Variants in BLTP3A observed in about 807,000 individuals in gnomAD.
The protein encoded by BLTP3A is ICBP90 binding protein 1.
At chr6:34,863,759 G>A in the BLTP3A span, among the ~76,000 whole-genome samples, 2 of 152,170 alleles carry the variant, frequency 1.3e-5, no homozygotes, top group African/African-American at 4.8e-5. Flanking sequence ...GACATTTAAT[G>A]TTGATATGAG....
chr6:34,865,438 A>G, the BLTP3A span, among the ~76,000 whole-genome samples: 2 of 152,136 alleles, frequency 1.3e-5, no homozygotes, highest in Non-Finnish European at 2.9e-5. Context: ...TTATCTGTTC[A>G]TTGGTTGATG....
At chr6:34,792,954 T>A in the BLTP3A span, among the ~76,000 whole-genome samples, 1 of 152,206 alleles carries the variant, frequency 6.6e-6, no homozygotes, top group South Asian at 2.1e-4. Flanking sequence ...CCTCTGGACT[T>A]CTTTTTCCCT....
the BLTP3A span, among the ~76,000 whole-genome samples, chr6:34,860,323 G>A: frequency 2.0e-5 from 3 of 152,180 alleles, no homozygotes; most frequent in African/African-American, 4.8e-5. Flanking sequence ...GAGTGGAAAA[G>A]TATCGATTTT....
the BLTP3A span, among the ~76,000 whole-genome samples, chr6:34,820,759 C>T: frequency 2.0e-5 from 3 of 149,418 alleles, no homozygotes; most frequent in Non-Finnish European, 4.4e-5. Context: ...CTCACTGCAG[C>T]CTCAACCTCA....
the BLTP3A span, among the ~76,000 whole-genome samples, chr6:34,797,208 A>G: frequency 6.6e-6 from 1 of 152,208 alleles, no homozygotes; most frequent in Non-Finnish European, 1.5e-5. Flanking sequence ...TAGCTCTTTT[A>G]AAACCCATCA....
the BLTP3A span, among the ~76,000 whole-genome samples, chr6:34,820,011 C>T: frequency 4.6e-5 from 7 of 152,188 alleles, no homozygotes; most frequent in African/African-American, 1.7e-4. Context: ...GGGAAGACTA[C>T]AGGTGACTGG....
chr6:34,795,397 G>T, the BLTP3A span, among the ~76,000 whole-genome samples: 14 of 149,390 alleles, frequency 9.4e-5, no homozygotes, highest in Non-Finnish European at 1.5e-4. Flanking sequence ...AGTTTTTTTT[G>T]TTTTTTGTTT....
At chr6:34,856,096 T>C in the BLTP3A span, 4 of 1,227,890 alleles carry the variant, frequency 3.3e-6, no homozygotes, top group South Asian at 6.1e-5. Flanking sequence ...AACCTATCAT[T>C]GGATAATTTT....
the BLTP3A span, among the ~76,000 whole-genome samples, chr6:34,816,488 G>C: frequency 7.0e-6 from 1 of 142,302 alleles, no homozygotes; most frequent in African/African-American, 2.9e-5. Flanking sequence ...ACATGCACTT[G>C]TGGTTCTAGC....
the BLTP3A span, among the ~76,000 whole-genome samples, chr6:34,828,936 A>G: frequency 1.4e-5 from 2 of 143,310 alleles, no homozygotes; most frequent in Non-Finnish European, 3.0e-5. Context: ...CTGAGGCAGG[A>G]GAATTGCTTG....
the BLTP3A span, among the ~76,000 whole-genome samples, chr6:34,794,227 TGA>T: frequency 0.44 from 66,429 of 151,836 alleles, 16,319 homozygotes; most frequent in African/African-American, 0.67. Context: ...GATAAATGCT[TGA>T]GAGGATGGAT....
the BLTP3A span, among the ~76,000 whole-genome samples, chr6:34,827,930 T>G: frequency 6.6e-6 from 1 of 152,160 alleles, no homozygotes; most frequent in Admixed American, 6.6e-5. Flanking sequence ...TTTAGATGGT[T>G]GAGTAGCAAT....
At chr6:34,850,508 G>T in the BLTP3A span, among the ~76,000 whole-genome samples, 1 of 152,008 alleles carries the variant, frequency 6.6e-6, no homozygotes. Context: ...CCCTTTTGAG[G>T]CTATTTTCTG....
the BLTP3A span, among the ~76,000 whole-genome samples, chr6:34,815,437 A>C: frequency 6.6e-6 from 1 of 151,720 alleles, no homozygotes; most frequent in African/African-American, 2.4e-5. Flanking sequence ...TTTAGTACAG[A>C]TGGAGGTTCT....
At chr6:34,857,214 G>C in the BLTP3A span, 1 of 1,275,686 alleles carries the variant, frequency 7.8e-7, no homozygotes, top group East Asian at 2.4e-5. Context: ...GAAAGACACT[G>C]TGTTCCCTGT....
the BLTP3A span, among the ~76,000 whole-genome samples, chr6:34,826,496 A>T: frequency 6.6e-6 from 1 of 151,352 alleles, no homozygotes; most frequent in African/African-American, 2.4e-5. Context: ...ATAGCTGGGG[A>T]TACAGGCATG....
the BLTP3A span, among the ~76,000 whole-genome samples, chr6:34,860,969 A>G: frequency 2.6e-5 from 4 of 152,112 alleles, no homozygotes; most frequent in Non-Finnish European, 4.4e-5. Context: ...GGTAGTTAAC[A>G]TTGCTGATCA....
At chr6:34,858,002 C>G in the BLTP3A span, 1 of 1,561,022 alleles carries the variant, frequency 6.4e-7, no homozygotes, top group Non-Finnish European at 8.6e-7. Flanking sequence ...TTTGCTCTGT[C>G]CATTTTGTGG....
the BLTP3A span, among the ~76,000 whole-genome samples, chr6:34,846,868 T>C: frequency 6.6e-6 from 1 of 152,214 alleles, no homozygotes; most frequent in Non-Finnish European, 1.5e-5. Context: ...GGCTTTCAGT[T>C]TTCCCGCATT....
Sources: allele counts gnomAD v4.1 joint callset (sites outside exome capture counted in the v4.1 genomes callset), GRCh38; gene constraint gnomAD v4.1.1; transcripts MANE v1.5; gene names NCBI Gene and HGNC (gene_info 2026-07-23, HGNC 2026-07-21).